Variants in CFHR2 observed in about 807,000 individuals in gnomAD.
The protein encoded by CFHR2 is complement factor H related 2.
In CFHR2, 22 loss-of-function variants were observed where a neutral mutation model predicts 21.7. The ratio of observed to expected loss-of-function variants is 1.01; its 90% CI spans 0.72 to 1.45. The LOEUF (loss-of-function observed/expected upper bound fraction) is 1.45, where lower values mean the gene tolerates loss of function less well. Among genes scored for constraint, CFHR2 ranks in the 40% most tolerant of loss-of-function variants. The pLI is 0.00. For missense variants in CFHR2, 294 were observed against 293.3 expected (o/e 1.00, Z -0.02); for synonymous variants, 98 against 97.4 (o/e 1.01, Z -0.04).
At chr1:196,952,150 C>T (rs1286637695) in intron 3 of CFHR2, among the ~76,000 whole-genome samples, 2 of 152,154 alleles carry the variant, frequency 1.3e-5, no homozygotes, top group African/African-American at 4.8e-5. Flanking sequence ...GTGGTGTGTG[C>T]CTCTAGTCTC....
chr1:196,954,735 G>A (rs967171271), intron 3 of CFHR2, among the ~76,000 whole-genome samples: 1 of 152,184 alleles, frequency 6.6e-6, no homozygotes, highest in African/African-American at 2.4e-5. Flanking sequence ...CCATGTGGAA[G>A]CTGCCAAAGT....
At chr1:196,944,323 T>C (rs1261424335) in intron 1 of CFHR2, among the ~76,000 whole-genome samples, 1 of 151,154 alleles carries the variant, frequency 6.6e-6, no homozygotes, top group Admixed American at 6.6e-5. Flanking sequence ...TTTTGGATTT[T>C]AGTTTCCTAG....
At chr1:196,946,216 G>C (rs188282433) in intron 1 of CFHR2, among the ~76,000 whole-genome samples, 1 of 152,198 alleles carries the variant, frequency 6.6e-6, no homozygotes, top group African/African-American at 2.4e-5. Flanking sequence ...ACTAGAGGTG[G>C]TATAAACACT....
chr1:196,949,770 G>A (rs145771562), intron 2 of CFHR2, 121 bp downstream of exon 2: 8 of 1,249,986 alleles, frequency 6.4e-6, no homozygotes, highest in Non-Finnish European at 4.6e-6. Context: ...GGAAAGATGG[G>A]AGATGTAGTC....
At chr1:196,948,681 T>C (rs1659611357) in intron 1 of CFHR2, among the ~76,000 whole-genome samples, 1 of 152,190 alleles carries the variant, frequency 6.6e-6, no homozygotes, top group South Asian at 2.1e-4. Flanking sequence ...TTATTTTTAT[T>C]GTTTTATTGT....
chr1:196,952,432 A>T (rs1257132231), intron 3 of CFHR2, among the ~76,000 whole-genome samples: 2 of 152,234 alleles, frequency 1.3e-5, no homozygotes, highest in African/African-American at 4.8e-5. Context: ...AAATGTTATG[A>T]ATACCAGAAA....
Position 196,957,924 on chromosome 1 carries a change from T to C in CFHR2, c.464T>C (p.Ile155Thr). 3 of 1,613,244 alleles carry C rather than the reference T, an allele frequency of 1.9e-6. No homozygotes were observed. Among genetic ancestry groups the C allele is most frequent in the Non-Finnish European group, 2.5e-6 (3 of 1,179,408 alleles). Residue 155 changes from isoleucine to threonine, a missense_variant, in exon 4 of 5, where the codon ATT (isoleucine) becomes ACT (threonine). Ile to Thr is a moderately conservative substitution (Grantham distance 89). Coordinates refer to ENST00000367415, the MANE Select transcript of CFHR2 (RefSeq NM_005666.4). ...SAEKCGPPPP[I>T]DNGDITSFLL... is the part of the protein sequence containing the mutation. ...GAAAAATGTGGGCCCCCTCCACCTATTGACAATGGAGACATTACTTCATTC... is the reference window on the plus strand; with the variant it reads ...GAAAAATGTGGGCCCCCTCCACCTACTGACAATGGAGACATTACTTCATTC...
At chr1:196,951,141 T>A in intron 3 of CFHR2, 113 bp downstream of exon 3, 1 of 1,242,388 alleles carries the variant, frequency 8.0e-7, no homozygotes, top group Non-Finnish European at 1.1e-6. Context: ...CATACTTCTA[T>A]CATTATTCAT....
intron 3 of CFHR2, 82 bp from the exon 4 acceptor site, chr1:196,957,809 A>T: frequency 1.6e-6 from 2 of 1,258,300 alleles, no homozygotes; most frequent in South Asian, 1.3e-5. Flanking sequence ...CTGATAGACT[A>T]TAAAGTGCCT....
chr1:196,953,582 C>T (rs1275509411), intron 3 of CFHR2, among the ~76,000 whole-genome samples: 1 of 152,178 alleles, frequency 6.6e-6, no homozygotes, highest in South Asian at 2.1e-4. Flanking sequence ...TGTACCCAGA[C>T]AGATCAATTG....
At chr1:196,958,168 C>G in intron 4 of CFHR2, 95 bp downstream of exon 4, 2 of 1,305,416 alleles carry the variant, frequency 1.5e-6, no homozygotes, top group Non-Finnish European at 2.2e-6. Context: ...GATTAACAAA[C>G]AAGCATTCTG....
chr1:196,947,251 T>G (rs926407771), intron 1 of CFHR2, among the ~76,000 whole-genome samples: 11 of 152,094 alleles, frequency 7.2e-5, no homozygotes, highest in African/African-American at 2.7e-4. Flanking sequence ...AAAGGAGGCT[T>G]GCAAGAAGAC....
chr1:196,958,426 G>C (rs887077706), intron 4 of CFHR2, among the ~76,000 whole-genome samples: 4 of 151,966 alleles, frequency 2.6e-5, no homozygotes, highest in Admixed American at 2.0e-4. Context: ...GAGAGAGAGA[G>C]AGAGAGAGAG....
intron 3 of CFHR2, among the ~76,000 whole-genome samples, chr1:196,957,026 A>G (rs1652911472): frequency 1.3e-5 from 2 of 152,260 alleles, no homozygotes; most frequent in South Asian, 4.1e-4. Flanking sequence ...CTGTTTATCT[A>G]GAAGTGTGGA....
chr1:196,944,394 A>G (rs1455132662), intron 1 of CFHR2, among the ~76,000 whole-genome samples: 6 of 152,026 alleles, frequency 3.9e-5, no homozygotes, highest in Admixed American at 1.3e-4. Context: ...CAATCGAATT[A>G]TCCTTCAACA....
At chr1:196,946,747 G>C (rs1215325599) in intron 1 of CFHR2, among the ~76,000 whole-genome samples, 1 of 152,140 alleles carries the variant, frequency 6.6e-6, no homozygotes, top group Admixed American at 6.6e-5. Flanking sequence ...AGTTCCTGAA[G>C]GATCTGCCTC....
intron 1 of CFHR2, among the ~76,000 whole-genome samples, chr1:196,949,101 C>T (rs1659627231): frequency 6.6e-6 from 1 of 152,180 alleles, no homozygotes; most frequent in African/African-American, 2.4e-5. Context: ...ACAACCCTGT[C>T]ACTCCTCTAC....
chr1:196,953,822 G>C (rs530686739), intron 3 of CFHR2, among the ~76,000 whole-genome samples: 70 of 152,194 alleles, frequency 4.6e-4, no homozygotes, highest in African/African-American at 1.6e-3. Context: ...GAGATTATTA[G>C]AAAATATTTC....
intron 1 of CFHR2, among the ~76,000 whole-genome samples, chr1:196,945,678 AC>A (rs888330902): frequency 5.0e-5 from 6 of 118,958 alleles, no homozygotes; most frequent in Non-Finnish European, 1.0e-4. Flanking sequence ...GAAAATGACA[AC>A]CCTAACCACA....
Sources: allele counts gnomAD v4.1 joint callset (sites outside exome capture counted in the v4.1 genomes callset), GRCh38; gene constraint gnomAD v4.1.1; transcripts MANE v1.5; gene names NCBI Gene and HGNC (gene_info 2026-07-23, HGNC 2026-07-21).